The following TOMM34 variants were observed in gnomAD, a reference collection of about 807,000 sequenced individuals.
TOMM34 encodes translocase of outer mitochondrial membrane 34, also known as mitochondrial import receptor subunit TOM34.
In TOMM34, 24 loss-of-function variants were observed where a neutral mutation model predicts 37.4. The observed-to-expected ratio is 0.64, with a 90% CI of 0.46 to 0.90. The LOEUF is 0.90. TOMM34 is among the 40% of genes least tolerant of loss of function. TOMM34 has a pLI of 0.00. For synonymous variants in TOMM34, 154 were observed against 148.9 expected, an observed-to-expected ratio of 1.03 and a Z score of -0.25; for missense variants, 304 against 375.6, an observed-to-expected ratio of 0.81 and a Z score of 1.58.
chr20:44,955,091 C>T lies in TOMM34; in HGVS notation c.357G>A (p.Thr119=), dbSNP rs759492632. 24 of 1,614,048 alleles carry T rather than the reference C, an allele frequency of 1.5e-5. No homozygotes were observed. The highest frequency in any genetic ancestry group is 2.2e-5 in the East Asian group (1 of 44,892). ...ACCTGTTGATGCCTTCTACGGCTGA[C>T]GTCACATTATCATCAATCTGCAGCA... ...KTVLQIDDNV[T]SAVEGINRMT... Residue 119 remains threonine, a synonymous_variant, in exon 3 of 7, where the codon ACG becomes ACA. Coordinates refer to ENST00000372813, the MANE Select transcript of TOMM34 (RefSeq NM_006809.5).
chr20:44,952,153 C>T (rs369208402), intron 3 of TOMM34, 151 bp from the exon 4 acceptor site: 37 of 824,114 alleles, frequency 4.5e-5, no homozygotes, highest in Middle Eastern at 3.7e-4. Context: ...TCCTCCAACA[C>T]GTGCAATACA....
In TOMM34 at chr20:44,951,323, T is replaced by C. The variant is rs150763216; in HGVS notation, c.550+510A>G. Among the ~76,000 whole-genome samples, 517 of 152,242 alleles carry C rather than the reference T, an allele frequency of 3.4e-3. 2 individuals carry two copies. Among genetic ancestry groups the C allele is most frequent in the African/African-American group, 0.012 (507 of 41,550 alleles). On this transcript the variant is annotated intron_variant, in intron 4 of 6. Transcript: ENST00000372813. ...GCTATTTTGCTACTAGGAGGGAAGC[T>C]TGCCAAAGACAAAGCTGACGCACAA... is the stretch of plus-strand genomic sequence containing the variant.
intron 4 of TOMM34, among the ~76,000 whole-genome samples, chr20:44,949,726 C>A (rs1188589235): frequency 6.6e-6 from 1 of 152,174 alleles, no homozygotes; most frequent in Non-Finnish European, 1.5e-5. Flanking sequence ...TAACTAGGAC[C>A]TTTGAAGTCC....
chr20:44,955,296 G>C, intron 2 of TOMM34, 76 bp from the exon 3 acceptor site: 2 of 1,560,632 alleles, frequency 1.3e-6, no homozygotes, highest in South Asian at 2.3e-5. Flanking sequence ...TTCCAGGCAG[G>C]GTTATCTGGA....
rs1436149575 is a variant in TOMM34, at chr20:44,942,637, C to A, written c.*472G>T. 3.9e-5 allele frequency: 7 copies of A among 177,544 alleles called. No homozygotes were observed. The highest frequency in any genetic ancestry group is 2.5e-4 in the South Asian group (2 of 7,930). 11.0% of individuals were successfully genotyped at this position (177,544 alleles called of 1,614,324 possible). A position where few individuals can be genotyped will look rare whatever the true frequency, so the allele number is the denominator to read the frequency against. On this transcript the variant is annotated 3_prime_UTR_variant, in exon 7 of 7. Transcript: ENST00000372813. Reference sequence around the variant, plus strand: ...CTGGAGAGACTGCAGCCCTGGAGAACCAGCTCAACAGGCTGCTTTGGATCA... The same window carrying A: ...CTGGAGAGACTGCAGCCCTGGAGAAACAGCTCAACAGGCTGCTTTGGATCA...
At chr20:44,953,403 G>C (rs2067043328) in intron 3 of TOMM34, among the ~76,000 whole-genome samples, 1 of 152,034 alleles carries the variant, frequency 6.6e-6, no homozygotes, top group South Asian at 2.1e-4. Context: ...CCTTCCCTTG[G>C]GACATCAATG....
chr20:44,956,478 T>C lies in TOMM34; in HGVS notation c.135A>G (p.Ser45=), dbSNP rs1265932932. 1.2e-6 allele frequency: 2 copies of C among 1,614,124 alleles called. No homozygotes were observed. The highest frequency in any genetic ancestry group is 1.7e-5 in the Admixed American group (1 of 60,016). ...ALRVLQAQGS[S]DPEEESVLYS... ...AGAGAACACTTTCTTCTTCTGGGTC[T>C]GAAGAACCTGCCCAGATAGAGTGGG... The change falls in exon 2 of 7, where the codon TCA becomes TCG. Residue 45 remains serine, a synonymous_variant. Coordinates refer to ENST00000372813, the MANE Select transcript of TOMM34 (RefSeq NM_006809.5).
intron 2 of TOMM34, chr20:44,955,424 A>G: frequency 1.4e-6 from 1 of 690,212 alleles, no homozygotes; most frequent in Non-Finnish European, 2.6e-6. Context: ...GCAGAGAAAC[A>G]TGAATTTTGT....
chr20:44,943,182 T>A lies in TOMM34; in HGVS notation c.857A>T (p.Asn286Ile). The A allele has an allele frequency of 6.2e-7, 1 of 1,614,052 alleles. No homozygotes were observed. The highest frequency in any genetic ancestry group is 8.5e-7 in the Non-Finnish European group (1 of 1,179,998). Residue 286 changes from asparagine (N) to isoleucine (I), a missense_variant, in exon 7 of 7, where the codon AAC (asparagine) becomes ATC (isoleucine). Transcript: ENST00000372813. ...DYKSSFADIS[N>I]LLQIEPRNGP... The stretch of plus-strand genomic sequence containing the variant: ...ATTCCTAGGCTCAATCTGTAGGAGG[T>A]TGCTGATGTCTGCAAAGCTGGATTT...
At chr20:44,949,010 T>C in intron 4 of TOMM34, 133 bp from the exon 5 acceptor site, 1 of 1,171,778 alleles carries the variant, frequency 8.5e-7, no homozygotes, top group South Asian at 1.8e-5. Context: ...CTGCTGTAAA[T>C]CATCCTTCCT....
chr20:44,946,019 A>C (rs1167476260), intron 5 of TOMM34, among the ~76,000 whole-genome samples: 1 of 152,006 alleles, frequency 6.6e-6, no homozygotes, highest in East Asian at 1.9e-4. Context: ...CACCATGCCC[A>C]GCTAACTTTT....
intron 1 of TOMM34, among the ~76,000 whole-genome samples, chr20:44,957,773 G>A (rs2067086700): frequency 6.6e-6 from 1 of 151,976 alleles, no homozygotes; most frequent in African/African-American, 2.4e-5. Context: ...CTACCAAGCA[G>A]ATAGGACTAC....
chr20:44,943,621 T>C (rs773209042), intron 5 of TOMM34, 42 bp from the exon 6 acceptor site: 3 of 1,612,428 alleles, frequency 1.9e-6, no homozygotes, highest in Non-Finnish European at 2.5e-6. Flanking sequence ...TCACGTCTTA[T>C]GGGCCACCCA....
chr20:44,960,288 C>G lies in TOMM34; in HGVS notation c.46G>C (p.Gly16Arg). ...TGGCCGTTGCGGAAACTCTCATTGC[C>G]GGCGGCGCGGAGCTCCTCCACAGAG... ...PDSVEELRAAGNESFRNGQYA... is the reference protein window; with the variant it reads ...PDSVEELRAARNESFRNGQYA... Residue 16 changes from glycine to arginine, a missense_variant, in exon 1 of 7, where the codon GGC (glycine) becomes CGC (arginine). Gly to Arg is a moderately radical substitution (Grantham distance 125). Transcript: ENST00000372813. The G allele has an allele frequency of 6.3e-7, 1 of 1,583,544 alleles. No homozygotes were observed. The highest frequency in any genetic ancestry group is 8.6e-7 in the Non-Finnish European group (1 of 1,165,736).
At chr20:44,955,732 G>A in intron 2 of TOMM34, 1 of 429,794 alleles carries the variant, frequency 2.3e-6, no homozygotes, top group South Asian at 1.6e-5. Context: ...TCTGGCACAA[G>A]GCATGGCACA....
At chr20:44,945,977 C>T (rs2066977657) in intron 5 of TOMM34, among the ~76,000 whole-genome samples, 1 of 152,134 alleles carries the variant, frequency 6.6e-6, no homozygotes, top group South Asian at 2.1e-4. Context: ...CCTACTTCAG[C>T]CTCCCGAGTA....
chr20:44,945,205 T>A (rs1568658425), intron 5 of TOMM34, among the ~76,000 whole-genome samples: 1 of 152,262 alleles, frequency 6.6e-6, no homozygotes, highest in East Asian at 1.9e-4. Flanking sequence ...TCTCATTTTT[T>A]TCTGACTTAT....
chr20:44,947,455 G>A (rs2145596261), intron 5 of TOMM34, among the ~76,000 whole-genome samples: 1 of 152,290 alleles, frequency 6.6e-6, no homozygotes, highest in East Asian at 1.9e-4. Context: ...AGACACTGCT[G>A]GGGTGTTACA....
chr20:44,942,689 C>T lies in TOMM34; in HGVS notation c.*420G>A. ...GGCCTTAGGTTTATCCCCCTCCTTCCACCCCGGCCCAGGAGCTCAGGTTGT... is the reference window on the plus strand; with the variant it reads ...GGCCTTAGGTTTATCCCCCTCCTTCTACCCCGGCCCAGGAGCTCAGGTTGT... On this transcript the variant is annotated 3_prime_UTR_variant, in exon 7 of 7. Coordinates refer to ENST00000372813, the MANE Select transcript of TOMM34 (RefSeq NM_006809.5). The T allele has an allele frequency of 4.7e-6, 1 of 212,114 alleles. No individual in the cohort carries two copies. Among genetic ancestry groups the T allele is most frequent in the Non-Finnish European group, 9.6e-6 (1 of 104,490 alleles). The allele number at this position is 212,114 out of a possible 1,614,324, so 13.1% of individuals were successfully genotyped here.
Sources: gnomAD v4.1 joint callset for allele counts (sites outside exome capture counted in the v4.1 genomes callset) on GRCh38, gnomAD v4.1.1 for gene constraint, MANE v1.5 for transcripts, NCBI Gene and HGNC (gene_info 2026-07-23, HGNC 2026-07-21) for gene names.